THEMIS: variants seen among roughly 807,000 people sequenced by gnomAD.
The protein encoded by THEMIS is protein THEMIS.
A neutral mutation model predicts 52.6 loss-of-function variants in THEMIS; 37 were observed. The ratio of observed to expected loss-of-function variants is 0.70; its 90% CI spans 0.54 to 0.93. The LOEUF (loss-of-function observed/expected upper bound fraction) is 0.93. THEMIS is among the 40% of genes least tolerant of loss of function. The probability of loss-of-function intolerance (pLI) is 0.00; values close to 1 mark genes in which losing one functional copy is unlikely to be tolerated. For synonymous variants in THEMIS, 292 were observed against 272.7 expected (o/e 1.07, Z -0.70); for missense variants, 808 against 763.1 (o/e 1.06, Z -0.69).
chr6:127,860,324 C>A (rs1779754201), intron 1 of THEMIS, among the ~76,000 whole-genome samples: 1 of 152,078 alleles, frequency 6.6e-6, no homozygotes, highest in East Asian at 1.9e-4. Context: ...CCCAGTTGGA[C>A]ACTAGATATA....
intron 1 of THEMIS, among the ~76,000 whole-genome samples, chr6:127,883,147 T>C (rs992610348): frequency 6.6e-6 from 1 of 151,966 alleles, no homozygotes; most frequent in Middle Eastern, 3.2e-3. Context: ...ACAACTAAAT[T>C]TGTGTAGCCA....
At chr6:127,744,186 G>A (rs975429340) in intron 4 of THEMIS, among the ~76,000 whole-genome samples, 10 of 151,982 alleles carry the variant, frequency 6.6e-5, no homozygotes, top group Admixed American at 2.6e-4. Flanking sequence ...TTAAAGAGGG[G>A]TTTATTCTTT....
In THEMIS at chr6:127,829,942, C is replaced by A; in HGVS notation, c.251-8G>T. On this transcript the variant is annotated splice_region_variant and splice_polypyrimidine_tract_variant and intron_variant, in intron 2 of 5. Coordinates refer to ENST00000368248, the MANE Select transcript of THEMIS (RefSeq NM_001010923.3). The stretch of plus-strand genomic sequence containing the variant: ...CCACAATCTTAAAAAGACCTAAGAA[C>A]AGAATTACGTGAATTAAAAAGAGAG... 6.3e-7 allele frequency: 1 copy of A among 1,586,286 alleles called. No homozygotes were observed. Among genetic ancestry groups the A allele is most frequent in the Non-Finnish European group, 8.6e-7 (1 of 1,165,344 alleles).
At chr6:127,854,957 T>G (rs1182831560) in intron 2 of THEMIS, 73 bp downstream of exon 2, 1 of 1,290,526 alleles carries the variant, frequency 7.7e-7, no homozygotes, top group Non-Finnish European at 1.0e-6. Context: ...TTTTTCTTGT[T>G]TTTGGTTGTG....
intron 4 of THEMIS, among the ~76,000 whole-genome samples, chr6:127,771,131 C>T (rs1297573871): frequency 2.6e-5 from 4 of 152,002 alleles, no homozygotes; most frequent in Admixed American, 2.0e-4. Context: ...TAATAACAGA[C>T]AAAGAACCAA....
intron 2 of THEMIS, among the ~76,000 whole-genome samples, chr6:127,845,966 C>T (rs562313743): frequency 6.6e-6 from 1 of 152,046 alleles, no homozygotes; most frequent in South Asian, 2.1e-4. Context: ...CTAACTGAGG[C>T]TCTACCTGAG....
In THEMIS at chr6:127,813,308, G is replaced by T. The variant is rs2114606886; in HGVS notation, c.1333C>A (p.Pro445Thr). Residue 445 changes from proline to threonine, a missense_variant, in exon 4 of 6, where the codon CCG (proline) becomes ACG (threonine). Transcript: ENST00000368248. ...VEVIHDKKQY[P>T]ISELCKQFRL... ...AACTGTTTACAGAGCTCAGAAATCG[G>T]GTACTGTTTCTTATCATGAATCACC... 6.2e-7 allele frequency: 1 copy of T among 1,614,062 alleles called. No homozygotes were observed. Among genetic ancestry groups the T allele is most frequent in the African/African-American group, 1.3e-5 (1 of 74,998 alleles).
chr6:127,857,762 G>A (rs1448109562), intron 1 of THEMIS, among the ~76,000 whole-genome samples: 2 of 151,914 alleles, frequency 1.3e-5, no homozygotes, highest in African/African-American at 2.4e-5. Context: ...TGATTTATAA[G>A]GACATTAAGG....
chr6:127,854,040 G>A (rs1562301617), intron 2 of THEMIS, among the ~76,000 whole-genome samples: 1 of 151,576 alleles, frequency 6.6e-6, no homozygotes, highest in South Asian at 2.1e-4. Context: ...TCTTCCACTG[G>A]TCATTCATTC....
intron 5 of THEMIS, among the ~76,000 whole-genome samples, chr6:127,711,102 TG>T (rs992474734): frequency 1.3e-5 from 2 of 151,900 alleles, no homozygotes; most frequent in Admixed American, 1.3e-4. Flanking sequence ...TTTTCTTCTT[TG>T]AATTATTTTT....
At chr6:127,871,723 C>T (rs1331552856) in intron 1 of THEMIS, among the ~76,000 whole-genome samples, 1 of 151,980 alleles carries the variant, frequency 6.6e-6, no homozygotes, top group African/African-American at 2.4e-5. Context: ...AGAGAAAAAA[C>T]CAACAAAATA....
At chr6:127,869,058 G>T (rs567956751) in intron 1 of THEMIS, among the ~76,000 whole-genome samples, 9 of 152,128 alleles carry the variant, frequency 5.9e-5, no homozygotes, top group African/African-American at 2.2e-4. Flanking sequence ...AATGAACATT[G>T]CAAGACATTA....
chr6:127,829,478 T>C lies in THEMIS; in HGVS notation c.707A>G (p.Lys236Arg). 2 of 1,596,506 alleles carry C rather than the reference T, an allele frequency of 1.3e-6. No individual in the cohort carries two copies. The highest frequency in any genetic ancestry group is 1.7e-6 in the Non-Finnish European group (2 of 1,172,542). The change falls in exon 3 of 6, where the codon AAA (lysine) becomes AGA (arginine). Residue 236 changes from lysine to arginine, a missense_variant and splice_region_variant. Physicochemically the swap from Lys to Arg is conservative, Grantham distance 26 (BLOSUM62 2). Coordinates refer to ENST00000368248, the MANE Select transcript of THEMIS (RefSeq NM_001010923.3). ...KPVYEIQGVM[K>R]FRKDIIRILP... is the part of the protein sequence containing the mutation. ...CATCATTCTCAGTGGATACTCACATTTCATCACACCTTGAATTTCATAAAC... is the reference window on the plus strand; with the variant it reads ...CATCATTCTCAGTGGATACTCACATCTCATCACACCTTGAATTTCATAAAC...
chr6:127,709,993 G>T lies in THEMIS; in HGVS notation c.1918C>A (p.Gln640Lys), dbSNP rs1299328016. ...GCTTCTGTCACATCTTGTTATTTTT[G>T]ATGTTTTTCATTTTTGAATGTTTCT... is the stretch of plus-strand genomic sequence containing the variant. Reference protein sequence around the residue: ...IAETFKNEKHQK With the variant: ...IAETFKNEKHKK Residue 640 changes from glutamine (Q) to lysine (K), a missense_variant, in exon 6 of 6, where the codon CAA (glutamine) becomes AAA (lysine). Transcript: ENST00000368248. The T allele has an allele frequency of 9.5e-6, 15 of 1,586,754 alleles. No individual in the cohort carries two copies. Among genetic ancestry groups the T allele is most frequent in the Non-Finnish European group, 1.3e-5 (15 of 1,168,012 alleles).
chr6:127,896,181 G>A (rs969393698), intron 1 of THEMIS, among the ~76,000 whole-genome samples: 1 of 150,816 alleles, frequency 6.6e-6, no homozygotes, highest in African/African-American at 2.4e-5. Flanking sequence ...CATGAATGGT[G>A]GATTACTGAA....
At chr6:127,782,645 C>T (rs183053470) in intron 4 of THEMIS, among the ~76,000 whole-genome samples, 188 of 152,306 alleles carry the variant, frequency 1.2e-3, no homozygotes, top group East Asian at 0.01. Flanking sequence ...CTAATCAGCC[C>T]CAGTGAGATG....
At chr6:127,718,983 G>A (rs1156262355) in intron 5 of THEMIS, among the ~76,000 whole-genome samples, 1 of 151,868 alleles carries the variant, frequency 6.6e-6, no homozygotes, top group Non-Finnish European at 1.5e-5. Flanking sequence ...ATAAGGAGGA[G>A]AAAGGAGCAA....
intron 4 of THEMIS, among the ~76,000 whole-genome samples, chr6:127,744,429 A>G (rs1775313917): frequency 6.6e-6 from 1 of 152,014 alleles, no homozygotes; most frequent in African/African-American, 2.4e-5. Context: ...GACAATCCAT[A>G]TGTCCATCGA....
chr6:127,750,922 A>G (rs182855968), intron 4 of THEMIS, among the ~76,000 whole-genome samples: 69 of 151,836 alleles, frequency 4.5e-4, no homozygotes, highest in African/African-American at 1.6e-3. Context: ...GGCAAACAAA[A>G]GTTGAGAGAT....
Sources: allele counts gnomAD v4.1 joint callset (sites outside exome capture counted in the v4.1 genomes callset), GRCh38; gene constraint gnomAD v4.1.1; transcripts MANE v1.5; gene names NCBI Gene and HGNC (gene_info 2026-07-23, HGNC 2026-07-21).